KCNIP4: variants seen among roughly 807,000 people sequenced by gnomAD.
KCNIP4 encodes Kv channel-interacting protein 4.
In KCNIP4, 12 loss-of-function variants were observed where a neutral mutation model predicts 34.0. The observed-to-expected ratio is 0.35, with a 90% CI of 0.23 to 0.57. KCNIP4 has a LOEUF of 0.57. Ranked by LOEUF, KCNIP4 falls within the 20% of genes least tolerant of loss-of-function variation. The pLI is 0.83. For missense variants in KCNIP4, 238 were observed against 311.7 expected (o/e 0.76, Z 1.78); for synonymous variants, 124 against 102.2 (o/e 1.21, Z -1.29).
chr4:21,310,475 C>G (rs1459506366), intron 1 of KCNIP4, among the ~76,000 whole-genome samples: 1 of 152,146 alleles, frequency 6.6e-6, no homozygotes, highest in Non-Finnish European at 1.5e-5. Flanking sequence ...CATCAGTGAC[C>G]TGCCTTTAAC....
intron 1 of KCNIP4, among the ~76,000 whole-genome samples, chr4:21,513,339 C>T (rs1456252571): frequency 6.6e-6 from 1 of 152,162 alleles, no homozygotes; most frequent in Non-Finnish European, 1.5e-5. Flanking sequence ...GTTAAAGAAA[C>T]TTCCTGAAAA....
At chr4:21,348,653 G>A (rs1182228124) in intron 1 of KCNIP4, among the ~76,000 whole-genome samples, 1 of 152,208 alleles carries the variant, frequency 6.6e-6, no homozygotes, top group Non-Finnish European at 1.5e-5. Context: ...AGCCCATTAA[G>A]TTATTTATAA....
At chr4:21,096,662 CT>C in intron 1 of KCNIP4, among the ~76,000 whole-genome samples, 1 of 152,018 alleles carries the variant, frequency 6.6e-6, no homozygotes, top group East Asian at 1.9e-4. Flanking sequence ...AATAAATTTC[CT>C]TGTGTTTCTT....
intron 5 of KCNIP4, among the ~76,000 whole-genome samples, chr4:20,748,560 T>TTATATATA (rs3075750): frequency 4.9e-4 from 32 of 64,874 alleles, no homozygotes; most frequent in Non-Finnish European, 6.7e-4. Flanking sequence ...CTTCCAAATT[T>TTATATATA]TATATATATA....
chr4:21,129,190 G>T (rs1188763795), intron 1 of KCNIP4, among the ~76,000 whole-genome samples: 3 of 152,162 alleles, frequency 2.0e-5, no homozygotes, highest in African/African-American at 7.2e-5. Context: ...CCATCATGTA[G>T]GATGTCACTT....
chr4:21,519,291 C>G (rs2109943905), intron 1 of KCNIP4, among the ~76,000 whole-genome samples: 1 of 151,424 alleles, frequency 6.6e-6, no homozygotes, highest in East Asian at 2.0e-4. Flanking sequence ...CAGAAGAGCC[C>G]TGTATTAGTC....
chr4:21,706,141 A>C (rs1163664150), intron 1 of KCNIP4, among the ~76,000 whole-genome samples: 3 of 152,204 alleles, frequency 2.0e-5, no homozygotes, highest in Non-Finnish European at 1.5e-5. Context: ...AGATATAACT[A>C]CCACTAGCAG....
At chr4:21,169,762 A>G (rs1386680317) in intron 1 of KCNIP4, among the ~76,000 whole-genome samples, 3 of 150,750 alleles carry the variant, frequency 2.0e-5, no homozygotes, top group Non-Finnish European at 4.4e-5. Context: ...CCTGAACAGA[A>G]GGACATCAGA....
chr4:20,998,789 A>G (rs1577509375), intron 1 of KCNIP4, among the ~76,000 whole-genome samples: 1 of 152,248 alleles, frequency 6.6e-6, no homozygotes, highest in African/African-American at 2.4e-5. Flanking sequence ...GGATGACTCA[A>G]TGTCTTGACA....
chr4:21,601,693 C>T, intron 1 of KCNIP4, among the ~76,000 whole-genome samples: 1 of 152,062 alleles, frequency 6.6e-6, no homozygotes, highest in East Asian at 1.9e-4. Flanking sequence ...TGCCCCTTCT[C>T]TCCTTCCATC....
At chr4:21,222,110 G>T (rs1199272693) in intron 1 of KCNIP4, among the ~76,000 whole-genome samples, 2 of 152,148 alleles carry the variant, frequency 1.3e-5, no homozygotes, top group Non-Finnish European at 2.9e-5. Flanking sequence ...ACATTGAGTT[G>T]CAGTATTGAC....
chr4:20,787,880 T>C (rs1712216824), intron 3 of KCNIP4, among the ~76,000 whole-genome samples: 1 of 152,178 alleles, frequency 6.6e-6, no homozygotes, highest in African/African-American at 2.4e-5. Flanking sequence ...ACTGTCTGAG[T>C]GTCCAATTAC....
At chr4:21,941,139 G>A (rs1003993879) in intron 1 of KCNIP4, among the ~76,000 whole-genome samples, 1 of 151,852 alleles carries the variant, frequency 6.6e-6, no homozygotes. Context: ...GATGTAGATC[G>A]GTTTAAGAGC....
rs141169115 is a variant in KCNIP4 at position 20,827,306 on chromosome 4, C to T, written c.288+23237G>A. Among the ~76,000 whole-genome samples, 356 of 152,246 alleles carry T rather than the reference C, an allele frequency of 2.3e-3. 2 individuals carry two copies. The highest frequency in any genetic ancestry group is 8.3e-3 in the African/African-American group (346 of 41,534). ...ATTTATTTTCTCACAGCTCTAAGAG[C>T]AAGGCATGGACGGGATTGCTTTTCA... On this transcript the variant is annotated intron_variant, in intron 3 of 8. Coordinates refer to ENST00000382152, the MANE Select transcript of KCNIP4 (RefSeq NM_025221.6).
intron 1 of KCNIP4, among the ~76,000 whole-genome samples, chr4:20,925,704 G>T (rs1341276772): frequency 6.6e-6 from 1 of 151,940 alleles, no homozygotes; most frequent in African/African-American, 2.4e-5. Context: ...GTCTGGATTG[G>T]GACCCCTTTC....
At chr4:21,218,824 C>T (rs186712980) in intron 1 of KCNIP4, among the ~76,000 whole-genome samples, 1 of 152,134 alleles carries the variant, frequency 6.6e-6, no homozygotes, top group African/African-American at 2.4e-5. Flanking sequence ...AACTGATTTC[C>T]AAATATCTTA....
At chr4:21,405,368 T>A (rs932372120) in intron 1 of KCNIP4, among the ~76,000 whole-genome samples, 2 of 152,174 alleles carry the variant, frequency 1.3e-5, no homozygotes, top group Non-Finnish European at 2.9e-5. Context: ...TGTGTATCAT[T>A]GAGTAATTCT....
chr4:20,761,929 A>G (rs933296942), intron 3 of KCNIP4, among the ~76,000 whole-genome samples: 7 of 152,138 alleles, frequency 4.6e-5, no homozygotes, highest in African/African-American at 7.2e-5. Flanking sequence ...CTGTATGCCT[A>G]TTATTCCAGG....
intron 1 of KCNIP4, among the ~76,000 whole-genome samples, chr4:21,862,805 C>CA (rs1177389936): frequency 6.6e-6 from 1 of 151,948 alleles, no homozygotes; most frequent in East Asian, 1.9e-4. Context: ...ACTAAAAATA[C>CA]AAAAAATTAG....
Sources: gnomAD v4.1 joint callset for allele counts (sites outside exome capture counted in the v4.1 genomes callset) on GRCh38, gnomAD v4.1.1 for gene constraint, MANE v1.5 for transcripts, NCBI Gene and HGNC (gene_info 2026-07-23, HGNC 2026-07-21) for gene names.